ASXL2: variants seen among roughly 807,000 people sequenced by gnomAD.
ASXL2 encodes the protein ASXL transcriptional regulator 2.
Under a neutral mutation model 122.0 loss-of-function variants are expected in ASXL2, and 23 were observed. The ratio of observed to expected loss-of-function variants is 0.19; its 90% CI spans 0.14 to 0.27. ASXL2 has a LOEUF of 0.27. Among genes scored for constraint, ASXL2 ranks in the 10% least tolerant of loss-of-function variants. The probability of loss-of-function intolerance (pLI) is 1.00; values close to 1 mark genes in which losing one functional copy is unlikely to be tolerated. For missense variants in ASXL2, 1,518 were observed against 1,713.8 expected, an observed-to-expected ratio of 0.89 and a Z score of 2.02; for synonymous variants, 650 against 637.0, an observed-to-expected ratio of 1.02 and a Z score of -0.31.
chr2:25,790,082 T>C (rs961893309), intron 5 of ASXL2, among the ~76,000 whole-genome samples: 2 of 152,164 alleles, frequency 1.3e-5, no homozygotes, highest in Non-Finnish European at 2.9e-5. Context: ...CCTCTCCCCC[T>C]TTTTTAAAGT....
intron 1 of ASXL2, among the ~76,000 whole-genome samples, chr2:25,873,605 A>G (rs918412708): frequency 6.6e-6 from 1 of 152,044 alleles, no homozygotes; most frequent in Non-Finnish European, 1.5e-5. Context: ...TCTTGTGTAC[A>G]TTCAAAATAA....
intron 1 of ASXL2, among the ~76,000 whole-genome samples, chr2:25,857,149 C>G (rs761467506): frequency 6.7e-6 from 1 of 148,794 alleles, no homozygotes; most frequent in Non-Finnish European, 1.5e-5. Context: ...AAGGCTCTTT[C>G]CAATATGTGG....
intron 8 of ASXL2, among the ~76,000 whole-genome samples, chr2:25,764,158 C>T (rs1260165423): frequency 2.0e-5 from 3 of 152,166 alleles, no homozygotes; most frequent in Non-Finnish European, 4.4e-5. Context: ...CAAACCCAAC[C>T]TTCCTGCCAG....
chr2:25,774,326 T>C (rs187205053), intron 5 of ASXL2, among the ~76,000 whole-genome samples: 23 of 152,244 alleles, frequency 1.5e-4, no homozygotes, highest in Non-Finnish European at 2.6e-4. Context: ...ACACTGAAGC[T>C]TTTTATATTT....
chr2:25,806,705 G>C (rs1159548619), intron 3 of ASXL2, among the ~76,000 whole-genome samples: 1 of 152,078 alleles, frequency 6.6e-6, no homozygotes, highest in Non-Finnish European at 1.5e-5. Flanking sequence ...CAAATAAACA[G>C]TAATAATTCC....
chr2:25,759,669 T>C (rs755157456), intron 8 of ASXL2, 24 bp from the exon 9 acceptor site: 7 of 1,597,384 alleles, frequency 4.4e-6, no homozygotes, highest in Admixed American at 1.7e-5. Context: ...GAAGAATCGT[T>C]TGGGCCTCCC....
rs372182805 is a variant in ASXL2 at position 25,758,084 on chromosome 2, T to C, written c.939+1398A>G. Among the ~76,000 whole-genome samples the C allele has an allele frequency of 6.6e-5, 10 of 152,320 alleles. No homozygotes were observed. In the South Asian group the frequency reaches 1.5e-3, roughly 22 times the overall value. Reference sequence around the variant, plus strand: ...GAGCAGTTACCAAGAAGGACCGGTTTTACTTCTTTGTCCCCACTGCTGTAA... The same window carrying C: ...GAGCAGTTACCAAGAAGGACCGGTTCTACTTCTTTGTCCCCACTGCTGTAA... On this transcript the variant is annotated intron_variant, in intron 9 of 12. Coordinates refer to ENST00000435504, the MANE Select transcript of ASXL2 (RefSeq NM_018263.6).
intron 4 of ASXL2, 120 bp from the exon 5 acceptor site, chr2:25,799,655 T>C (rs969346733): frequency 1.7e-5 from 20 of 1,175,462 alleles, no homozygotes; most frequent in Non-Finnish European, 2.2e-5. Context: ...TAGGATTCAG[T>C]AGCAGAACCA....
intron 1 of ASXL2, among the ~76,000 whole-genome samples, chr2:25,846,787 G>A (rs1260457522): frequency 3.3e-5 from 5 of 152,136 alleles, no homozygotes; most frequent in Admixed American, 2.6e-4. Context: ...CTGCACTACA[G>A]CCTGGGCAAC....
chr2:25,764,473 T>C (rs904902450), intron 8 of ASXL2, among the ~76,000 whole-genome samples: 3 of 152,140 alleles, frequency 2.0e-5, no homozygotes, highest in Non-Finnish European at 2.9e-5. Context: ...AATCTCATAA[T>C]GTTTTAAGAA....
At chr2:25,864,593 T>C (rs766575733) in intron 1 of ASXL2, among the ~76,000 whole-genome samples, 18 of 152,082 alleles carry the variant, frequency 1.2e-4, no homozygotes, top group Non-Finnish European at 2.9e-5. Flanking sequence ...TATTTAGTTT[T>C]GGGCACAGGG....
chr2:25,820,933 T>C (rs780229432), intron 3 of ASXL2, among the ~76,000 whole-genome samples: 5 of 151,694 alleles, frequency 3.3e-5, no homozygotes, highest in Non-Finnish European at 5.9e-5. Context: ...CTGGGAGGCC[T>C]AGGCGGGCGG....
rs1574397597 is a variant in ASXL2, at chr2:25,753,711, GAA to G, written c.1037-74_1037-73del. 6.0e-6 allele frequency: 7 copies of G among 1,173,522 alleles called. No homozygotes were observed. In the African/African-American group the frequency reaches 6.1e-5, roughly 10 times the overall value. The allele number at this position is 1,173,522 out of a possible 1,614,324, so 72.7% of individuals were successfully genotyped here. A position where few individuals can be genotyped will look rare whatever the true frequency, so the allele number is the denominator to read the frequency against. On this transcript the variant is annotated intron_variant, in intron 10 of 12. Transcript: ENST00000435504. ...CAACATGTAACTATTTATAAATCAT[GAA>G]AGACTCACGCAGGAATTGGAATACT...
At chr2:25,766,227 T>C (rs1427849865) in intron 8 of ASXL2, among the ~76,000 whole-genome samples, 1 of 152,190 alleles carries the variant, frequency 6.6e-6, no homozygotes, top group Non-Finnish European at 1.5e-5. Flanking sequence ...TGACCCCATA[T>C]GTTTCGAGAT....
At chr2:25,786,979 C>A (rs1403169932) in intron 5 of ASXL2, among the ~76,000 whole-genome samples, 44 of 138,376 alleles carry the variant, frequency 3.2e-4, no homozygotes, top group Admixed American at 2.9e-4. Flanking sequence ...TACAAAATGG[C>A]AAAAAAAAAA....
At chr2:25,785,543 G>A (rs1458279322) in intron 5 of ASXL2, among the ~76,000 whole-genome samples, 1 of 150,588 alleles carries the variant, frequency 6.6e-6, no homozygotes, top group Non-Finnish European at 1.5e-5. Flanking sequence ...TTTTAAGGAA[G>A]AAAAACAATC....
intron 3 of ASXL2, chr2:25,810,488 G>A: frequency 1.3e-6 from 1 of 741,574 alleles, no homozygotes. Flanking sequence ...TCAACCAGCT[G>A]GATCCTATGG....
At chr2:25,781,380 C>T (rs147512005) in intron 5 of ASXL2, among the ~76,000 whole-genome samples, 6,426 of 141,030 alleles carry the variant, frequency 0.046, 211 homozygotes, top group African/African-American at 0.089. Context: ...GCCTGGGCAA[C>T]GAGAGCAAAA....
In ASXL2 at chr2:25,753,630, G is replaced by A; in HGVS notation, c.1046C>T (p.Thr349Ile). 6.2e-7 allele frequency: 1 copy of A among 1,612,280 alleles called. No individual in the cohort carries two copies. Among genetic ancestry groups the A allele is most frequent in the South Asian group, 1.1e-5 (1 of 90,848 alleles). The change falls in exon 11 of 13, where the codon ACA (threonine) becomes ATA (isoleucine). Residue 349 changes from threonine to isoleucine, a missense_variant. Coordinates refer to ENST00000435504, the MANE Select transcript of ASXL2 (RefSeq NM_018263.6). ...WKERLSEGEF[T>I]PEMQVRIRQE... is the part of the protein sequence containing the mutation. ...TCGAATTCTCACCTGCATCTCAGGTGTAAACTCACCTGCAATGTACCCAAA... is the reference window on the plus strand; with the variant it reads ...TCGAATTCTCACCTGCATCTCAGGTATAAACTCACCTGCAATGTACCCAAA...
Sources: gnomAD v4.1 joint callset for allele counts (sites outside exome capture counted in the v4.1 genomes callset) on GRCh38, gnomAD v4.1.1 for gene constraint, MANE v1.5 for transcripts, NCBI Gene and HGNC (gene_info 2026-07-23, HGNC 2026-07-21) for gene names.